The following MDM2 variants were observed in gnomAD, a reference collection of about 807,000 sequenced individuals.
The protein encoded by MDM2 is E3 ubiquitin-protein ligase Mdm2.
MDM2 carries 11 observed loss-of-function variants against 64.3 expected under a neutral mutation model. That is an observed-to-expected ratio of 0.17 (90% CI 0.11 to 0.28). MDM2 has a LOEUF of 0.28. MDM2 is among the 10% of genes least tolerant of loss of function. The probability of loss-of-function intolerance (pLI) is 1.00; values close to 1 mark genes in which losing one functional copy is unlikely to be tolerated. For missense variants in MDM2, 388 were observed against 577.1 expected (o/e 0.67, Z 3.36); for synonymous variants, 194 against 192.9 (o/e 1.01, Z -0.05).
chr12:68,832,807 C>T (rs1404712039), intron 8 of MDM2, among the ~76,000 whole-genome samples: 1 of 151,856 alleles, frequency 6.6e-6, no homozygotes, highest in Non-Finnish European at 1.5e-5. Context: ...CATGAGCCAC[C>T]ACCTCCAGCC....
rs1235101399 is a variant in MDM2 at position 68,839,840 on chromosome 12, T to C, written c.1485T>C (p.Tyr495=). ...RQPIQMIVLT[Y]FP ...CAATTCAAATGATTGTGCTAACTTATTTCCCCTAGTTGACCTGTCTATAAG... is the reference window on the plus strand; with the variant it reads ...CAATTCAAATGATTGTGCTAACTTACTTCCCCTAGTTGACCTGTCTATAAG... The change falls in exon 11 of 11, where the codon TAT becomes TAC. Residue 495 remains tyrosine (Y), a synonymous_variant. Coordinates refer to ENST00000258149, the MANE Select transcript of MDM2 (RefSeq NM_002392.6). 16 of 1,613,818 alleles carry C rather than the reference T, an allele frequency of 9.9e-6. 1 individual carries two copies. The highest frequency in any genetic ancestry group is 5.3e-5 in the African/African-American group (4 of 74,928).
At chr12:68,817,676 C>T (rs2701092) in intron 4 of MDM2, among the ~76,000 whole-genome samples, 65,957 of 151,702 alleles carry the variant, frequency 0.43, 15,164 homozygotes, top group African/African-American at 0.56. Context: ...TTGAACCAGG[C>T]AGGTGGAGGT....
At chr12:68,829,109 TTG>T (rs1354908789) in intron 8 of MDM2, among the ~76,000 whole-genome samples, 178 bp downstream of exon 8, 1 of 152,172 alleles carries the variant, frequency 6.6e-6, no homozygotes, top group Admixed American at 6.5e-5. Flanking sequence ...ACCCAAGGTA[TTG>T]TGAGAAATGT....
chr12:68,847,214 T>TATATATATATATATATATA (rs1884378595), downstream of MDM2: 1 of 52,580 alleles, frequency 1.9e-5, no homozygotes, highest in African/African-American at 1.6e-4. Context: ...ATATATATAC[T>TATATATATATATATATATA]TTTTTTAGAG....
rs1028974698 is a variant in MDM2, at chr12:68,844,462, C to CT, written c.*4614dup. 2.6e-5 allele frequency: 6 copies of CT among 228,142 alleles called. No individual in the cohort carries two copies. The highest frequency in any genetic ancestry group is 1.3e-4 in the African/African-American group (6 of 45,054). The allele number at this position is 228,142 out of a possible 1,614,324, so 14.1% of individuals were successfully genotyped here. On this transcript the variant is annotated 3_prime_UTR_variant, in exon 11 of 11. Coordinates refer to ENST00000258149, the MANE Select transcript of MDM2 (RefSeq NM_002392.6). ...CTCTTAGGTCACATGGCAGCCTGGC[C>CT]TAAGTGATCGTGAATGGTCTATAAG...
intron 8 of MDM2, among the ~76,000 whole-genome samples, chr12:68,832,408 C>G (rs900312180): frequency 6.6e-6 from 1 of 152,064 alleles, no homozygotes; most frequent in African/African-American, 2.4e-5. Flanking sequence ...GTTTAAGGTT[C>G]CTACAACTAA....
chr12:68,834,784 T>A (rs932894685), intron 8 of MDM2, among the ~76,000 whole-genome samples: 1 of 152,168 alleles, frequency 6.6e-6, no homozygotes, highest in Non-Finnish European at 1.5e-5. Context: ...TTAAATTAGC[T>A]ACTTAGTGGC....
At chr12:68,812,287 AT>A in intron 2 of MDM2, among the ~76,000 whole-genome samples, 1 of 151,566 alleles carries the variant, frequency 6.6e-6, no homozygotes, top group East Asian at 1.9e-4. Context: ...TGTTTTATTG[AT>A]TAGCTGGAAA....
chr12:68,824,823 C>A, intron 7 of MDM2, 172 bp downstream of exon 7: 1 of 584,168 alleles, frequency 1.7e-6, no homozygotes, highest in Non-Finnish European at 3.0e-6. Context: ...GCTTATTTAG[C>A]AATATTTTTC....
intron 5 of MDM2, among the ~76,000 whole-genome samples, chr12:68,820,651 T>C (rs991147962): frequency 2.6e-5 from 4 of 152,230 alleles, no homozygotes; most frequent in African/African-American, 9.6e-5. Context: ...AGCTCCTGTT[T>C]AGGAGTGATC....
Position 68,808,449 on chromosome 12 carries a change from A to AC in MDM2, c.-24dup. The AC allele has an allele frequency of 6.2e-7, 1 of 1,613,734 alleles. No homozygotes were observed. Among genetic ancestry groups the AC allele is most frequent in the Non-Finnish European group, 8.5e-7 (1 of 1,179,948 alleles). On this transcript the variant is annotated 5_prime_UTR_variant, in exon 1 of 11. Transcript: ENST00000258149. ...GAAGGAAACTGGGGAGTCTTGAGGG[A>AC]CCCCCGACTCCAAGCGCGAAAACCC...
chr12:68,842,129 A>G lies in MDM2; in HGVS notation c.*2280A>G, dbSNP rs1883817202. 2.3e-6 allele frequency: 1 copy of G among 438,926 alleles called. No individual in the cohort carries two copies. Among genetic ancestry groups the G allele is most frequent in the Non-Finnish European group, 4.4e-6 (1 of 227,872 alleles). 27.2% of individuals were successfully genotyped at this position (438,926 alleles called of 1,614,324 possible). ...CTTACAGTGGATTTGAATTTGAAAA[A>G]TATAGTAACAAGCCTGTCAAATATC... On this transcript the variant is annotated 3_prime_UTR_variant, in exon 11 of 11. Transcript: ENST00000258149.
downstream of MDM2, chr12:68,846,102 C>G (rs1884276168): frequency 6.6e-6 from 1 of 152,132 alleles, no homozygotes; most frequent in African/African-American, 2.4e-5. Context: ...AGGTGCTCGC[C>G]AACCACACCT....
rs1174951475 is a variant in MDM2 at position 68,841,494 on chromosome 12, C to T, written c.*1645C>T. 11 of 209,050 alleles carry T rather than the reference C, an allele frequency of 5.3e-5. No homozygotes were observed. Among genetic ancestry groups the T allele is most frequent in the East Asian group, 7.3e-5 (1 of 13,772 alleles). 12.9% of individuals were successfully genotyped at this position (209,050 alleles called of 1,614,324 possible). ...TCTGTGAAAATAGCCACCATTTACC[C>T]GTAAGACAAAACTTGTTAAAGCCTC... On this transcript the variant is annotated 3_prime_UTR_variant, in exon 11 of 11. Transcript: ENST00000258149.
rs1884122620 is a variant in MDM2 at position 68,844,738 on chromosome 12, T to A, written c.*4889T>A. The A allele has an allele frequency of 9.5e-6, 2 of 210,974 alleles. No homozygotes were observed. Among genetic ancestry groups the A allele is most frequent in the South Asian group, 3.7e-4 (2 of 5,340 alleles). The allele number at this position is 210,974 out of a possible 1,614,324, so 13.1% of individuals were successfully genotyped here. A position where few individuals can be genotyped will look rare whatever the true frequency, so the allele number is the denominator to read the frequency against. ...GCTTTTGGCATTATATAATTAAGAT[T>A]TTTTAAATCCTTAATAAGGGTTTTA... On this transcript the variant is annotated 3_prime_UTR_variant, in exon 11 of 11. Transcript: ENST00000258149.
rs766335269 is a variant in MDM2, at chr12:68,839,241, C to T, written c.919-33C>T. On this transcript the variant is annotated intron_variant, in intron 10 of 10. Coordinates refer to ENST00000258149, the MANE Select transcript of MDM2 (RefSeq NM_002392.6). ...CTGTGACTGAGCAGTTAAAGGGTTACAGAAACTGACTGTGTGTCTTATTTC... is the reference window on the plus strand; with the variant it reads ...CTGTGACTGAGCAGTTAAAGGGTTATAGAAACTGACTGTGTGTCTTATTTC... 39 of 1,587,820 alleles carry T rather than the reference C, an allele frequency of 2.5e-5. 1 individual carries two copies. In the South Asian group the frequency reaches 4.4e-4, roughly 18 times the overall value.
intron 5 of MDM2, among the ~76,000 whole-genome samples, chr12:68,822,394 T>C (rs1881930938): frequency 1.3e-5 from 2 of 151,744 alleles, no homozygotes; most frequent in African/African-American, 4.9e-5. Context: ...AGCTTTAGAT[T>C]GTATCCTTTT....
At chr12:68,817,457 T>G (rs1881477722) in intron 4 of MDM2, among the ~76,000 whole-genome samples, 1 of 152,172 alleles carries the variant, frequency 6.6e-6, no homozygotes, top group Non-Finnish European at 1.5e-5. Flanking sequence ...CAGGTAATAT[T>G]TCTAGAAATA....
At position 68,843,242 on chromosome 12, in the gene MDM2, TA is replaced by T. The variant is rs533905903; in HGVS notation, c.*3395del. On this transcript the variant is annotated 3_prime_UTR_variant, in exon 11 of 11. Transcript: ENST00000258149. ...TAGCTGAAGTATTATGAACTCCAAATAATGCTTTGAGGACCTCCAAAGGTAA... is the reference window on the plus strand; with the variant it reads ...TAGCTGAAGTATTATGAACTCCAAATATGCTTTGAGGACCTCCAAAGGTAA... The T allele has an allele frequency of 6.5e-4, 147 of 226,262 alleles. No individual in the cohort carries two copies. The highest frequency in any genetic ancestry group is 3.1e-3 in the African/African-American group (138 of 45,018). 14.0% of individuals were successfully genotyped at this position (226,262 alleles called of 1,614,324 possible). A position where few individuals can be genotyped will look rare whatever the true frequency, so the allele number is the denominator to read the frequency against.
Sources: allele counts gnomAD v4.1 joint callset (sites outside exome capture counted in the v4.1 genomes callset), GRCh38; gene constraint gnomAD v4.1.1; transcripts MANE v1.5; gene names NCBI Gene and HGNC (gene_info 2026-07-23, HGNC 2026-07-21).